GSE1: variants seen among roughly 807,000 people sequenced by gnomAD.
GSE1 encodes the protein Gse1 coiled-coil protein.
In GSE1, 32 loss-of-function variants were observed where a neutral mutation model predicts 112.6. That is an observed-to-expected ratio of 0.28 (90% CI 0.21 to 0.38). The LOEUF is 0.38. Among genes scored for constraint, GSE1 ranks in the 10% least tolerant of loss-of-function variants. The pLI, the probability that GSE1 is intolerant of heterozygous loss-of-function variation, is 1.00. For synonymous variants in GSE1, 1,115 were observed against 735.6 expected, an observed-to-expected ratio of 1.52 and a Z score of -8.35; for missense variants, 2,348 against 1,699.2, an observed-to-expected ratio of 1.38 and a Z score of -6.71.
intron 1 of GSE1, among the ~76,000 whole-genome samples, chr16:85,336,483 G>T (rs1318499749): frequency 6.6e-6 from 1 of 152,220 alleles, no homozygotes; most frequent in African/African-American, 2.4e-5. Context: ...CTGCAGCCTT[G>T]GTGGCTCGGG....
At position 85,673,700 on chromosome 16, in the gene GSE1, T is replaced by C. The variant is rs1460942714; in HGVS notation, c.*1161T>C. 1 of 152,226 alleles carries C rather than the reference T, an allele frequency of 6.6e-6. No homozygotes were observed. Among genetic ancestry groups the C allele is most frequent in the Non-Finnish European group, 1.5e-5 (1 of 68,048 alleles). The allele number at this position is 152,226 out of a possible 1,614,324, so 9.4% of individuals were successfully genotyped here. On this transcript the variant is annotated 3_prime_UTR_variant, in exon 16 of 16. Transcript: ENST00000253458. ...CCACTCCCCCTGCCTGCCCCCAGCA[T>C]CTGGACAAGCTAATAGCAAATATTA...
At chr16:85,402,123 C>T (rs913876882) in intron 2 of GSE1, among the ~76,000 whole-genome samples, 3 of 152,334 alleles carry the variant, frequency 2.0e-5, no homozygotes, top group Admixed American at 1.3e-4. Flanking sequence ...GCATCCTGTG[C>T]CGTTTGTCCC....
chr16:85,264,822 G>A (rs1216804061), intron 1 of GSE1, among the ~76,000 whole-genome samples: 2 of 152,244 alleles, frequency 1.3e-5, no homozygotes, highest in African/African-American at 2.4e-5. Context: ...AACCAGGACC[G>A]GGAGGGGTGA....
At chr16:85,533,280 C>A (rs1029625423) in intron 2 of GSE1, among the ~76,000 whole-genome samples, 8 of 151,434 alleles carry the variant, frequency 5.3e-5, no homozygotes, top group Admixed American at 4.6e-4. Context: ...ATTAGCCGGG[C>A]ATGGTGGTGA....
intron 2 of GSE1, 71 bp from the exon 3 acceptor site, chr16:85,648,481 A>G (rs1363703471): frequency 1.5e-5 from 11 of 758,112 alleles, no homozygotes; most frequent in Non-Finnish European, 2.3e-5. Context: ...GCTGGAGCCC[A>G]GGTCCCCAGC....
In GSE1 at chr16:85,673,137, C is replaced by G. The variant is rs1465030859; in HGVS notation, c.*598C>G. On this transcript the variant is annotated 3_prime_UTR_variant, in exon 16 of 16. Transcript: ENST00000253458. ...ACCCAAAGGCTTTTCCCTGGAAAAG[C>G]TCTTTCTTACCTAAAGATAAAACCA... 1 of 152,386 alleles carries G rather than the reference C, an allele frequency of 6.6e-6. No individual in the cohort carries two copies. The allele number at this position is 152,386 out of a possible 1,614,324, so 9.4% of individuals were successfully genotyped here. A position where few individuals can be genotyped will look rare whatever the true frequency, so the allele number is the denominator to read the frequency against.
At chr16:85,265,099 C>G (rs552594320) in intron 1 of GSE1, among the ~76,000 whole-genome samples, 1 of 152,162 alleles carries the variant, frequency 6.6e-6, no homozygotes, top group Non-Finnish European at 1.5e-5. Context: ...ACTGCAATGG[C>G]GGGGGCCGCT....
intron 1 of GSE1, among the ~76,000 whole-genome samples, chr16:85,296,627 A>C (rs913175701): frequency 5.3e-5 from 8 of 152,092 alleles, no homozygotes; most frequent in African/African-American, 1.2e-4. Flanking sequence ...AAAACCAAAA[A>C]CAAACAAACA....
intron 1 of GSE1, among the ~76,000 whole-genome samples, chr16:85,604,847 T>G (rs868751002): frequency 4.7e-5 from 1 of 21,120 alleles, no homozygotes; most frequent in Non-Finnish European, 8.5e-5. Context: ...AGATGGAGTC[T>G]CGCTCTGTCG....
chr16:85,556,076 A>G (rs1348566168), exon 1 of GSE1: 1 of 983,860 alleles, frequency 1.0e-6, no homozygotes, highest in African/African-American at 1.8e-5. Flanking sequence ...TGGATCTGCC[A>G]GGGCCAAGGT....
chr16:85,179,168 C>T (rs1360873914), intron 1 of GSE1, among the ~76,000 whole-genome samples: 1 of 152,162 alleles, frequency 6.6e-6, no homozygotes, highest in African/African-American at 2.4e-5. Context: ...CCGTCGCCTC[C>T]TCCACCCACC....
intron 2 of GSE1, among the ~76,000 whole-genome samples, chr16:85,501,950 G>C (rs561608762): frequency 6.6e-6 from 1 of 152,206 alleles, no homozygotes; most frequent in Non-Finnish European, 1.5e-5. Context: ...AGAATATTTT[G>C]TTGGGGGGCA....
At chr16:85,347,639 G>A (rs35375289) in intron 1 of GSE1, among the ~76,000 whole-genome samples, 1 of 148,670 alleles carries the variant, frequency 6.7e-6, no homozygotes, top group Admixed American at 6.8e-5. Context: ...TGTTTCTGTC[G>A]CCAGTGACCT....
rs1375130746 is a variant in GSE1 at position 85,665,960 on chromosome 16, A to T, written c.2759-16A>T. ...CTTGCATTTCTTAATATTTTCCTTCACTTTGTCTCTAAAAGAACCAGCCAC... is the reference window on the plus strand; with the variant it reads ...CTTGCATTTCTTAATATTTTCCTTCTCTTTGTCTCTAAAAGAACCAGCCAC... On this transcript the variant is annotated splice_polypyrimidine_tract_variant and intron_variant, in intron 12 of 15. Transcript: ENST00000253458. The T allele has an allele frequency of 6.2e-7, 1 of 1,611,912 alleles. No homozygotes were observed. The highest frequency in any genetic ancestry group is 2.2e-5 in the East Asian group (1 of 44,878).
intron 1 of GSE1, among the ~76,000 whole-genome samples, chr16:85,243,901 C>T (rs1157003531): frequency 2.0e-5 from 3 of 151,974 alleles, no homozygotes; most frequent in Non-Finnish European, 2.9e-5. Flanking sequence ...CCGAGGTGGG[C>T]GGATCACCTG....
intron 1 of GSE1, among the ~76,000 whole-genome samples, chr16:85,200,767 A>G (rs2075013447): frequency 6.6e-6 from 1 of 152,158 alleles, no homozygotes; most frequent in East Asian, 1.9e-4. Context: ...TATTTCAGCT[A>G]TTTTTACGTG....
intron 1 of GSE1, among the ~76,000 whole-genome samples, chr16:85,175,023 G>C (rs1012726288): frequency 2.0e-5 from 3 of 148,970 alleles, no homozygotes; most frequent in Non-Finnish European, 4.5e-5. Flanking sequence ...CCAGAACCAT[G>C]ATCTCTGCTG....
Position 85,572,601 on chromosome 16 carries a change from T to C in GSE1, c.37+16238T>C, listed in dbSNP as rs182589528. On this transcript the variant is annotated intron_variant, in intron 1 of 2. Coordinates refer to the GSE1 transcript ENST00000635906. ...AGGCTGTGTGTGAGCACAGTGTGCCTTGCCTTCTTTTCCAGAGCAGGTTAA... is the reference window on the plus strand; with the variant it reads ...AGGCTGTGTGTGAGCACAGTGTGCCCTGCCTTCTTTTCCAGAGCAGGTTAA... 9.7e-4 allele frequency among the ~76,000 whole-genome samples: 147 copies of C among 152,258 alleles called. 3 individuals are homozygous for C. The highest frequency in any genetic ancestry group is 8.4e-3 in the Admixed American group (128 of 15,304).
intron 2 of GSE1, among the ~76,000 whole-genome samples, chr16:85,421,186 G>C (rs1266262471): frequency 1.3e-5 from 2 of 152,172 alleles, no homozygotes; most frequent in African/African-American, 4.8e-5. Flanking sequence ...GGGCAGTTCG[G>C]AGTGCAAGCA....
Sources: gnomAD v4.1 joint callset for allele counts (sites outside exome capture counted in the v4.1 genomes callset) on GRCh38, gnomAD v4.1.1 for gene constraint, MANE v1.5 for transcripts, NCBI Gene and HGNC (gene_info 2026-07-23, HGNC 2026-07-21) for gene names.